The following CELF4 variants were observed in gnomAD, a reference collection of about 807,000 sequenced individuals.
CELF4 encodes the protein CUGBP Elav-like family member 4.
In CELF4, 18 loss-of-function variants were observed where a neutral mutation model predicts 59.9. That is an observed-to-expected ratio of 0.30 (90% confidence interval 0.21 to 0.45). CELF4 has a LOEUF of 0.45. Ranked by LOEUF, CELF4 falls within the 20% of genes least tolerant of loss-of-function variation. CELF4 has a pLI of 1.00. For missense variants in CELF4, 456 were observed against 689.0 expected (o/e 0.66, Z 3.79); for synonymous variants, 261 against 267.1 (o/e 0.98, Z 0.22).
At chr18:37,362,280 C>T (rs1020488983) in intron 2 of CELF4, among the ~76,000 whole-genome samples, 1 of 145,304 alleles carries the variant, frequency 6.9e-6, no homozygotes, top group South Asian at 2.1e-4. Context: ...GTTCCAGCCC[C>T]GCTCCTCCTC....
At chr18:37,547,799 T>C (rs1344668710) in intron 1 of CELF4, among the ~76,000 whole-genome samples, 2 of 152,142 alleles carry the variant, frequency 1.3e-5, no homozygotes, top group African/African-American at 4.8e-5. Context: ...TCTCTGGCCT[T>C]GTGGTTAATT....
At chr18:37,498,627 G>A (rs1431822846) in intron 1 of CELF4, among the ~76,000 whole-genome samples, 3 of 151,810 alleles carry the variant, frequency 2.0e-5, no homozygotes, top group Non-Finnish European at 4.4e-5. Context: ...ATCCCAGGCT[G>A]CAGCATTTTT....
In CELF4 at chr18:37,244,353, A is replaced by T. The variant is rs1302493964; in HGVS notation, c.*889T>A. 1 of 152,324 alleles carries T rather than the reference A, an allele frequency of 6.6e-6. No homozygotes were observed. 9.4% of individuals were successfully genotyped at this position (152,324 alleles called of 1,614,324 possible). The stretch of plus-strand genomic sequence containing the variant: ...TTTGTTCCCCTCCTTGTTTTCTCAC[A>T]CTTCACGGGTGAGTTTTAAGATTTG... On this transcript the variant is annotated 3_prime_UTR_variant, in exon 13 of 13. Transcript: ENST00000420428.
At chr18:37,504,105 T>C (rs1884042241) in intron 1 of CELF4, among the ~76,000 whole-genome samples, 1 of 152,188 alleles carries the variant, frequency 6.6e-6, no homozygotes, top group Non-Finnish European at 1.5e-5. Flanking sequence ...TTTTCTTCTT[T>C]GGATGCCTGT....
At chr18:37,491,590 G>T (rs2030574700) in intron 1 of CELF4, among the ~76,000 whole-genome samples, 1 of 152,170 alleles carries the variant, frequency 6.6e-6, no homozygotes, top group Admixed American at 6.5e-5. Context: ...GGGGGAAAGA[G>T]ATCCAAGATT....
At chr18:37,308,883 G>T (rs959455278) in intron 3 of CELF4, among the ~76,000 whole-genome samples, 2 of 152,210 alleles carry the variant, frequency 1.3e-5, no homozygotes, top group Non-Finnish European at 2.9e-5. Context: ...CATACATGGA[G>T]TTTCTCTACC....
At chr18:37,411,899 T>C (rs2099464890) in intron 2 of CELF4, among the ~76,000 whole-genome samples, 1 of 152,228 alleles carries the variant, frequency 6.6e-6, no homozygotes, top group Non-Finnish European at 1.5e-5. Context: ...TCCTAGCCAC[T>C]GTTTCTCCTG....
chr18:37,522,166 T>C (rs1246685881), intron 1 of CELF4, among the ~76,000 whole-genome samples: 1 of 150,736 alleles, frequency 6.6e-6, no homozygotes. Flanking sequence ...AATGCCTCAG[T>C]AAAGGACAGC....
chr18:37,506,400 T>A (rs1423826022), intron 1 of CELF4, among the ~76,000 whole-genome samples: 1 of 152,034 alleles, frequency 6.6e-6, no homozygotes, highest in African/African-American at 2.4e-5. Flanking sequence ...GTCAAGCCCA[T>A]GGGCTATCAC....
intron 3 of CELF4, among the ~76,000 whole-genome samples, chr18:37,294,614 G>T (rs962443391): frequency 3.9e-5 from 6 of 152,174 alleles, no homozygotes; most frequent in Admixed American, 3.9e-4. Flanking sequence ...AGCCAAAATT[G>T]TCTTCAAGAT....
chr18:37,469,033 C>T (rs2099815199), intron 2 of CELF4, among the ~76,000 whole-genome samples: 1 of 152,164 alleles, frequency 6.6e-6, no homozygotes, highest in Non-Finnish European at 1.5e-5. Context: ...GCACTCAGTT[C>T]CAGACTCAGA....
At chr18:37,298,352 A>T (rs916104310) in intron 3 of CELF4, among the ~76,000 whole-genome samples, 2 of 152,224 alleles carry the variant, frequency 1.3e-5, no homozygotes, top group African/African-American at 4.8e-5. Context: ...GTGTCCACAC[A>T]GCAGTCAGAA....
chr18:37,319,717 G>A (rs1044084317), intron 3 of CELF4, among the ~76,000 whole-genome samples: 5 of 152,202 alleles, frequency 3.3e-5, no homozygotes, highest in Non-Finnish European at 4.4e-5. Flanking sequence ...TTGATTTCCC[G>A]GTAAACTTTC....
intron 2 of CELF4, among the ~76,000 whole-genome samples, chr18:37,418,093 G>A (rs1299227718): frequency 6.6e-6 from 1 of 152,208 alleles, no homozygotes; most frequent in East Asian, 1.9e-4. Flanking sequence ...GTGATCTGAT[G>A]AAAGGCCCCA....
At chr18:37,341,996 G>T (rs1306168522) in intron 2 of CELF4, among the ~76,000 whole-genome samples, 1 of 152,070 alleles carries the variant, frequency 6.6e-6, no homozygotes, top group Non-Finnish European at 1.5e-5. Flanking sequence ...ATGTCTGCAG[G>T]TTGCATGTCT....
At chr18:37,400,746 T>C (rs992556469) in intron 2 of CELF4, among the ~76,000 whole-genome samples, 4 of 152,350 alleles carry the variant, frequency 2.6e-5, no homozygotes, top group South Asian at 2.1e-4. Flanking sequence ...ATGCCGTTCA[T>C]GGGAATCTCT....
At chr18:37,419,429 C>T (rs894125630) in intron 2 of CELF4, among the ~76,000 whole-genome samples, 6 of 152,200 alleles carry the variant, frequency 3.9e-5, no homozygotes, top group Admixed American at 1.3e-4. Flanking sequence ...TTGAGGTATG[C>T]GACTGCAGGG....
At chr18:37,559,475 A>G (rs1041839596) in intron 1 of CELF4, among the ~76,000 whole-genome samples, 2 of 151,032 alleles carry the variant, frequency 1.3e-5, no homozygotes. Context: ...GTAAACGGGC[A>G]CTCCCAGCTT....
intron 1 of CELF4, among the ~76,000 whole-genome samples, chr18:37,490,516 A>G (rs2099898579): frequency 6.6e-6 from 1 of 152,200 alleles, no homozygotes; most frequent in African/African-American, 2.4e-5. Context: ...CGCCTGGCAA[A>G]TATACTTCAT....
Sources: allele counts gnomAD v4.1 joint callset (sites outside exome capture counted in the v4.1 genomes callset), GRCh38; gene constraint gnomAD v4.1.1; transcripts MANE v1.5; gene names NCBI Gene and HGNC (gene_info 2026-07-23, HGNC 2026-07-21).